HSD17B12: variants seen among roughly 807,000 people sequenced by gnomAD.
The protein encoded by HSD17B12 is hydroxysteroid 17-beta dehydrogenase 12.
HSD17B12 carries 32 observed loss-of-function variants against 39.3 expected under a neutral mutation model. The observed-to-expected ratio is 0.81, with a 90% CI of 0.61 to 1.09. The LOEUF is 1.09. HSD17B12 is among the 50% of genes least tolerant of loss of function. The probability of loss-of-function intolerance (pLI) is 0.00; values close to 1 mark genes in which losing one functional copy is unlikely to be tolerated. For missense variants in HSD17B12, 342 were observed against 382.9 expected (o/e 0.89, Z 0.89); for synonymous variants, 150 against 146.7 (o/e 1.02, Z -0.16).
At chr11:43,813,239 G>A (rs1333027435) in intron 4 of HSD17B12, among the ~76,000 whole-genome samples, 1 of 152,094 alleles carries the variant, frequency 6.6e-6, no homozygotes, top group Non-Finnish European at 1.5e-5. Flanking sequence ...TATAGTACAT[G>A]TAAAGATTAC....
chr11:43,696,639 C>T (rs1335950575), intron 1 of HSD17B12, among the ~76,000 whole-genome samples: 2 of 152,114 alleles, frequency 1.3e-5, no homozygotes, highest in Admixed American at 6.5e-5. Flanking sequence ...CCAGAAATAC[C>T]ATGTGAGCAA....
At chr11:43,737,110 A>C (rs542788603) in intron 1 of HSD17B12, among the ~76,000 whole-genome samples, 1 of 152,064 alleles carries the variant, frequency 6.6e-6, no homozygotes, top group Admixed American at 6.6e-5. Flanking sequence ...TTCGGGGGGA[A>C]AAAAGAGTCA....
At chr11:43,679,370 T>A (rs888152328), upstream of HSD17B12, among the ~76,000 whole-genome samples, 1 of 152,132 alleles carries the variant, frequency 6.6e-6, no homozygotes, top group African/African-American at 2.4e-5. Flanking sequence ...GAGAAAGAAA[T>A]AAAGAGTATT....
the HSD17B12 span, chr11:43,584,498 A>C: frequency 2.6e-5 from 4 of 152,330 alleles, no homozygotes; most frequent in Non-Finnish European, 5.9e-5. Context: ...CCCAGCCGCC[A>C]ATCACTCCCA....
intron 1 of HSD17B12, among the ~76,000 whole-genome samples, chr11:43,691,369 T>G (rs1949860975): frequency 6.6e-6 from 1 of 152,206 alleles, no homozygotes. Context: ...TGATGCAAAT[T>G]TCTCAGGTTT....
the HSD17B12 span, among the ~76,000 whole-genome samples, chr11:43,591,346 G>A: frequency 6.6e-5 from 10 of 152,020 alleles, no homozygotes; most frequent in African/African-American, 9.6e-5. Flanking sequence ...TCTCTAAATC[G>A]TAGATATTTT....
At chr11:43,769,177 T>A (rs1165095998) in intron 3 of HSD17B12, among the ~76,000 whole-genome samples, 2 of 152,200 alleles carry the variant, frequency 1.3e-5, no homozygotes, top group Non-Finnish European at 2.9e-5. Context: ...TGACCTCAAG[T>A]GATCCGCCTG....
chr11:43,703,623 AT>A (rs1303573117), intron 1 of HSD17B12, among the ~76,000 whole-genome samples: 1 of 151,444 alleles, frequency 6.6e-6, no homozygotes, highest in Non-Finnish European at 1.5e-5. Context: ...TAGGTTTTGG[AT>A]TTTTTTCTGG....
rs534264977 is a variant in HSD17B12 at position 43,701,306 on chromosome 11, T to C, written c.160+20319T>C. 4.7e-4 allele frequency among the ~76,000 whole-genome samples: 71 copies of C among 152,344 alleles called. 1 individual carries two copies. The highest frequency in any genetic ancestry group is 1.7e-3 in the African/African-American group (70 of 41,582). On this transcript the variant is annotated intron_variant, in intron 1 of 10. Coordinates refer to ENST00000278353, the MANE Select transcript of HSD17B12 (RefSeq NM_016142.3). ...GTGGGTTGTCTCTTCACTTTGATTG[T>C]ATCCTTTGCTGTGCAGAAGCTTTTT...
the HSD17B12 span, among the ~76,000 whole-genome samples, chr11:43,620,539 G>A: frequency 6.6e-6 from 1 of 152,168 alleles, no homozygotes; most frequent in Non-Finnish European, 1.5e-5. Context: ...CTTGAGAAAA[G>A]AGAAAACTAA....
intron 3 of HSD17B12, among the ~76,000 whole-genome samples, chr11:43,792,071 C>T (rs1325063784): frequency 6.6e-6 from 1 of 152,140 alleles, no homozygotes; most frequent in Non-Finnish European, 1.5e-5. Context: ...TTCTGGTACA[C>T]AATCACCTTT....
At chr11:43,790,784 G>C (rs1246235376) in intron 3 of HSD17B12, among the ~76,000 whole-genome samples, 1 of 152,108 alleles carries the variant, frequency 6.6e-6, no homozygotes, top group African/African-American at 2.4e-5. Flanking sequence ...CTGAGGTCAG[G>C]AGTTTGAGAC....
intron 1 of HSD17B12, among the ~76,000 whole-genome samples, chr11:43,720,472 G>A (rs755558097): frequency 1.1e-4 from 17 of 152,206 alleles, no homozygotes; most frequent in Non-Finnish European, 5.9e-5. Context: ...GCATCTAATA[G>A]CAATTTTCTC....
chr11:43,715,280 T>C (rs1463372264), intron 1 of HSD17B12, among the ~76,000 whole-genome samples: 3 of 152,138 alleles, frequency 2.0e-5, no homozygotes, highest in Non-Finnish European at 4.4e-5. Context: ...ATAGCTCTTA[T>C]TATTTTGAGA....
intron 1 of HSD17B12, among the ~76,000 whole-genome samples, chr11:43,690,845 T>C (rs1255631935): frequency 6.6e-6 from 1 of 152,066 alleles, no homozygotes; most frequent in Non-Finnish European, 1.5e-5. Context: ...ACTGATTAAA[T>C]GGGGCTAACT....
the HSD17B12 span, among the ~76,000 whole-genome samples, chr11:43,586,322 C>T: frequency 6.6e-6 from 1 of 152,322 alleles, no homozygotes; most frequent in South Asian, 2.1e-4. Context: ...GCCTAGACCT[C>T]AGAGCCTCCA....
the HSD17B12 span, among the ~76,000 whole-genome samples, chr11:43,666,554 G>C: frequency 2.0e-5 from 3 of 152,232 alleles, no homozygotes; most frequent in African/African-American, 7.2e-5. Flanking sequence ...ATGTTGCCTA[G>C]GCTGGTCTCA....
At chr11:43,573,163 C>G in the HSD17B12 span, among the ~76,000 whole-genome samples, 1 of 152,228 alleles carries the variant, frequency 6.6e-6, no homozygotes. Flanking sequence ...AGGCGGTTTT[C>G]ACCTTGGACA....
chr11:43,802,664 T>C (rs1258737955), intron 4 of HSD17B12, among the ~76,000 whole-genome samples: 3 of 152,206 alleles, frequency 2.0e-5, no homozygotes, highest in Non-Finnish European at 4.4e-5. Flanking sequence ...CTGAAACATT[T>C]CTGATTGTCC....
Sources: gnomAD v4.1 joint callset for allele counts (sites outside exome capture counted in the v4.1 genomes callset) on GRCh38, gnomAD v4.1.1 for gene constraint, MANE v1.5 for transcripts, NCBI Gene and HGNC (gene_info 2026-07-23, HGNC 2026-07-21) for gene names.